Variants in MLLT10 observed in about 807,000 individuals in gnomAD.
The protein encoded by MLLT10 is MLLT10 histone lysine methyltransferase DOT1L cofactor.
Under a neutral mutation model 129.1 loss-of-function variants are expected in MLLT10, and 30 were observed. That is an observed-to-expected ratio of 0.23 (90% CI 0.17 to 0.32). MLLT10 has a LOEUF of 0.32. Among genes scored for constraint, MLLT10 ranks in the 10% least tolerant of loss-of-function variants. The probability of loss-of-function intolerance (pLI) is 1.00; values close to 1 mark genes in which losing one functional copy is unlikely to be tolerated. For missense variants in MLLT10, 1,119 were observed against 1,268.3 expected, an observed-to-expected ratio of 0.88 and a Z score of 1.79; for synonymous variants, 490 against 446.4, an observed-to-expected ratio of 1.10 and a Z score of -1.23.
intron 3 of MLLT10, among the ~76,000 whole-genome samples, chr10:21,548,676 C>T (rs1588857620): frequency 6.6e-6 from 1 of 152,030 alleles, no homozygotes; most frequent in Non-Finnish European, 1.5e-5. Context: ...GCCTTTCTGT[C>T]TTATCTTTGC....
chr10:21,734,251 T>G lies in MLLT10; in HGVS notation c.2858+122T>G. On this transcript the variant is annotated intron_variant, in intron 20 of 22. Transcript: ENST00000307729. ...TACACCTTAAGAAGTCTGCCAAAAA[T>G]TTTAAGTATATTATACAGAGTACAT... 3 of 1,140,540 alleles carry G rather than the reference T, an allele frequency of 2.6e-6. No individual in the cohort carries two copies. In the South Asian group the frequency reaches 5.0e-5, roughly 19 times the overall value. 70.7% of individuals were successfully genotyped at this position (1,140,540 alleles called of 1,614,324 possible). A position where few individuals can be genotyped will look rare whatever the true frequency, so the allele number is the denominator to read the frequency against.
chr10:21,622,675 G>A (rs1032976746), intron 8 of MLLT10, among the ~76,000 whole-genome samples: 2 of 152,180 alleles, frequency 1.3e-5, no homozygotes, highest in African/African-American at 4.8e-5. Context: ...AGGAAAGCAT[G>A]CTGCTGTTCT....
At chr10:21,732,137 A>G (rs1270049203) in intron 17 of MLLT10, among the ~76,000 whole-genome samples, 5 of 152,294 alleles carry the variant, frequency 3.3e-5, no homozygotes, top group Non-Finnish European at 4.4e-5. Context: ...GAGGAGTTGT[A>G]TCTTCTAAAG....
At chr10:21,733,728 A>C in intron 19 of MLLT10, 40 bp from the exon 20 acceptor site, 4 of 1,563,288 alleles carry the variant, frequency 2.6e-6, no homozygotes, top group Non-Finnish European at 3.5e-6. Context: ...GCTGGGACTT[A>C]ATGTCCAGTG....
intron 3 of MLLT10, among the ~76,000 whole-genome samples, chr10:21,581,440 A>C (rs2041446716): frequency 6.6e-6 from 1 of 152,240 alleles, no homozygotes; most frequent in African/African-American, 2.4e-5. Flanking sequence ...CCATGAATGA[A>C]GCTTACAGGA....
intron 5 of MLLT10, among the ~76,000 whole-genome samples, chr10:21,608,672 T>G (rs939441992): frequency 6.6e-6 from 1 of 152,178 alleles, no homozygotes; most frequent in Non-Finnish European, 1.5e-5. Flanking sequence ...CACATTTTTT[T>G]CAGGCTGTTC....
chr10:21,599,432 T>C lies in MLLT10; in HGVS notation c.405+3992T>C, dbSNP rs2043312634. ...ACACTAATCTCTATTACTGTATCCA[T>C]CTCTATATATTGAACTCCATATGCT... On this transcript the variant is annotated intron_variant, in intron 5 of 22. Coordinates refer to ENST00000307729, the MANE Select transcript of MLLT10 (RefSeq NM_001195626.3). Among the ~76,000 whole-genome samples the C allele has an allele frequency of 3.9e-5, 6 of 152,300 alleles. No homozygotes were observed. The South Asian group carries it at 1.2e-3, about 32-fold the overall frequency.
intron 3 of MLLT10, among the ~76,000 whole-genome samples, chr10:21,568,339 T>C (rs1258957255): frequency 6.6e-6 from 1 of 152,236 alleles, no homozygotes; most frequent in East Asian, 1.9e-4. Flanking sequence ...AAATTTGTAC[T>C]TAGTGGGAGG....
intron 8 of MLLT10, among the ~76,000 whole-genome samples, chr10:21,648,118 A>T (rs1205772230): frequency 6.6e-6 from 1 of 152,114 alleles, no homozygotes; most frequent in Non-Finnish European, 1.5e-5. Flanking sequence ...TTTATCATAT[A>T]CTAAATTTTC....
intron 17 of MLLT10, among the ~76,000 whole-genome samples, chr10:21,732,452 C>T (rs889941983): frequency 1.3e-5 from 2 of 152,158 alleles, no homozygotes; most frequent in East Asian, 1.9e-4. Flanking sequence ...TCGTTTAAAC[C>T]GGACAACAAA....
intron 9 of MLLT10, among the ~76,000 whole-genome samples, chr10:21,659,541 C>T (rs1589478638): frequency 3.4e-5 from 5 of 147,002 alleles, no homozygotes; most frequent in African/African-American, 1.0e-4. Context: ...GACGGATTCT[C>T]GCTTTGTTGG....
At chr10:21,648,930 A>G (rs1247375631) in intron 8 of MLLT10, among the ~76,000 whole-genome samples, 2 of 152,082 alleles carry the variant, frequency 1.3e-5, no homozygotes, top group Non-Finnish European at 2.9e-5. Context: ...AGCACAGGAA[A>G]AACCCACCCC....
At chr10:21,696,337 A>G (rs2054360387) in intron 13 of MLLT10, among the ~76,000 whole-genome samples, 1 of 151,894 alleles carries the variant, frequency 6.6e-6, no homozygotes, top group African/African-American at 2.4e-5. Context: ...CACAGCCCTC[A>G]GGAGATCCTG....
chr10:21,538,267 C>T (rs900755263), intron 2 of MLLT10, among the ~76,000 whole-genome samples: 5 of 151,290 alleles, frequency 3.3e-5, no homozygotes, highest in African/African-American at 7.3e-5. Flanking sequence ...CAGGTTCAAG[C>T]GATTCTCCTG....
At chr10:21,600,022 T>G (rs2043369648) in intron 5 of MLLT10, among the ~76,000 whole-genome samples, 1 of 152,238 alleles carries the variant, frequency 6.6e-6, no homozygotes, top group Non-Finnish European at 1.5e-5. Context: ...TCCCACCTGG[T>G]TAGTCAACTT....
At chr10:21,671,968 A>C (rs1351800411) in intron 10 of MLLT10, among the ~76,000 whole-genome samples, 4 of 152,162 alleles carry the variant, frequency 2.6e-5, no homozygotes, top group East Asian at 1.9e-4. Flanking sequence ...ACAAACAAAC[A>C]AAAAACCAAA....
chr10:21,638,767 A>G (rs2047703818), intron 8 of MLLT10, among the ~76,000 whole-genome samples: 1 of 151,954 alleles, frequency 6.6e-6, no homozygotes, highest in South Asian at 2.1e-4. Context: ...CCCCATCTCT[A>G]ATTATTTTTC....
intron 8 of MLLT10, among the ~76,000 whole-genome samples, chr10:21,619,385 G>C (rs2045586462): frequency 6.6e-6 from 1 of 152,080 alleles, no homozygotes; most frequent in South Asian, 2.1e-4. Context: ...CTTACTATAT[G>C]ATCGTATTTA....
intron 8 of MLLT10, among the ~76,000 whole-genome samples, chr10:21,646,594 G>A (rs923183374): frequency 6.6e-6 from 1 of 151,708 alleles, no homozygotes; most frequent in Non-Finnish European, 1.5e-5. Flanking sequence ...TTCTCACACG[G>A]CTATTTTAAG....
Sources: gnomAD v4.1 joint callset for allele counts (sites outside exome capture counted in the v4.1 genomes callset) on GRCh38, gnomAD v4.1.1 for gene constraint, MANE v1.5 for transcripts, NCBI Gene and HGNC (gene_info 2026-07-23, HGNC 2026-07-21) for gene names.